PREPL: variants seen among roughly 807,000 people sequenced by gnomAD.
PREPL encodes prolyl endopeptidase like.
PREPL carries 77 observed loss-of-function variants against 70.6 expected under a neutral mutation model. The observed-to-expected ratio is 1.09, with a 90% CI of 0.91 to 1.32. PREPL has a LOEUF of 1.32. PREPL is among the 40% of genes most tolerant of loss of function. The pLI, the probability that PREPL is intolerant of heterozygous loss-of-function variation, is 0.00. For missense variants in PREPL, 1,002 were observed against 778.2 expected (o/e 1.29, Z -3.42); for synonymous variants, 315 against 264.8 (o/e 1.19, Z -1.84).
At position 44,320,368 on chromosome 2, in the gene PREPL, T is replaced by C. The variant is rs984728184; in HGVS notation, c.*988A>G. 1.9e-6 allele frequency: 3 copies of C among 1,613,962 alleles called. No homozygotes were observed. Among genetic ancestry groups the C allele is most frequent in the Non-Finnish European group, 2.5e-6 (3 of 1,179,976 alleles). On this transcript the variant is annotated 3_prime_UTR_variant, in exon 14 of 14. Coordinates refer to ENST00000409411, the MANE Select transcript of PREPL (RefSeq NM_001171613.2). Reference sequence around the variant, plus strand: ...GGCATCGACAGAATCTTTATCGTGGTTCTGAATTTTGGAGAATCAACACTG... The same window carrying C: ...GGCATCGACAGAATCTTTATCGTGGCTCTGAATTTTGGAGAATCAACACTG...
intron 4 of PREPL, among the ~76,000 whole-genome samples, 183 bp downstream of exon 4, chr2:44,343,562 T>C (rs1675452909): frequency 6.6e-6 from 1 of 152,108 alleles, no homozygotes; most frequent in Admixed American, 6.5e-5. Context: ...AAATTACCCA[T>C]CTAGATATAT....
intron 10 of PREPL, 139 bp from the exon 11 acceptor site, chr2:44,323,550 A>G (rs560471308): frequency 5.7e-5 from 35 of 610,682 alleles, no homozygotes; most frequent in Non-Finnish European, 8.8e-5. Context: ...GAGCTAGAAT[A>G]CTCAGTCCTT....
Position 44,320,273 on chromosome 2 carries a change from C to T in PREPL, c.*1083G>A, listed in dbSNP as rs140014348. On this transcript the variant is annotated 3_prime_UTR_variant, in exon 14 of 14. Coordinates refer to ENST00000409411, the MANE Select transcript of PREPL (RefSeq NM_001171613.2). The stretch of plus-strand genomic sequence containing the variant: ...GTCTACTTCATGCCAATGAGCTACT[C>T]CTCAACAGGGGCTGGTTTTGCCATT... 1.7e-5 allele frequency: 28 copies of T among 1,613,926 alleles called. No homozygotes were observed. The African/African-American group carries it at 3.2e-4, about 18-fold the overall frequency.
At position 44,329,198 on chromosome 2, in the gene PREPL, T is replaced by A. The variant is rs778155805; in HGVS notation, c.1087-86A>T. On this transcript the variant is annotated intron_variant, in intron 8 of 13. Coordinates refer to ENST00000409411, the MANE Select transcript of PREPL (RefSeq NM_001171613.2). ...CAATTTAAAATACATTGAGGTGCAC[T>A]GTCCCCACTTGTGTGCTACCTACTG... 2.8e-6 allele frequency: 3 copies of A among 1,085,498 alleles called. No individual in the cohort carries two copies. The African/African-American group carries it at 4.8e-5, about 17-fold the overall frequency. 67.2% of individuals were successfully genotyped at this position (1,085,498 alleles called of 1,614,324 possible).
In PREPL at chr2:44,343,864, T is replaced by C; in HGVS notation, c.230A>G (p.Asp77Gly). The change falls in exon 4 of 14, where the codon GAT becomes GGT. Residue 77 changes from aspartate (D) to glycine (G), a missense_variant. Physicochemically the swap from Asp to Gly is moderately conservative, Grantham distance 94. Transcript: ENST00000409411. ...TATCTTGGCAGCCACATATTTTTCA[T>C]CTGGAGCAACTCTGATACAATCAAT... ...PFIDCIRVAP[D>G]EKYVAAKIRT... The C allele has an allele frequency of 1.2e-6, 2 of 1,614,058 alleles. No individual in the cohort carries two copies. The highest frequency in any genetic ancestry group is 1.7e-6 in the Non-Finnish European group (2 of 1,179,950).
At position 44,318,073 on chromosome 2, in the gene PREPL, A is replaced by G. The variant is rs1339142538; in HGVS notation, c.*3283T>C. ...GAAATATTTGCACATGTGCACAATA[A>G]TACTTAAAGGATCTCAACACTGTTT... On this transcript the variant is annotated 3_prime_UTR_variant, in exon 14 of 14. Coordinates refer to ENST00000409411, the MANE Select transcript of PREPL (RefSeq NM_001171613.2). 1 of 442,504 alleles carries G rather than the reference A, an allele frequency of 2.3e-6. No homozygotes were observed. Among genetic ancestry groups the G allele is most frequent in the Non-Finnish European group, 4.5e-6 (1 of 222,094 alleles). The allele number at this position is 442,504 out of a possible 1,614,324, so 27.4% of individuals were successfully genotyped here. A position where few individuals can be genotyped will look rare whatever the true frequency, so the allele number is the denominator to read the frequency against.
In PREPL at chr2:44,322,737, C is replaced by G. The variant is rs758234210; in HGVS notation, c.1747G>C (p.Gly583Arg). 72 of 1,613,410 alleles carry G rather than the reference C, an allele frequency of 4.5e-5. 1 individual carries two copies. The African/African-American group carries it at 6.1e-4, about 14-fold the overall frequency. Residue 583 changes from glycine (G) to arginine (R), a missense_variant, in exon 12 of 14, where the codon GGT becomes CGT. Gly to Arg is a moderately radical substitution (Grantham distance 125). Coordinates refer to ENST00000409411, the MANE Select transcript of PREPL (RefSeq NM_001171613.2). The part of the protein sequence containing the change: ...EAIAEHAKDT[G>R]EGYQTPNIIL... ...CTTCTAGGGGGTCTCCTACCTTCAC[C>G]TGTGTCCTTAGCATGCTCCGCGATG...
intron 1 of PREPL, 137 bp from the exon 2 acceptor site, chr2:44,346,527 A>G: frequency 1.3e-6 from 1 of 753,342 alleles, no homozygotes; most frequent in Non-Finnish European, 2.1e-6. Flanking sequence ...GGTATTTCAC[A>G]GATTGTAAAT....
At chr2:44,361,662 T>C (rs1677833765), upstream of PREPL, 3 of 253,618 alleles carry the variant, frequency 1.2e-5, no homozygotes, top group Non-Finnish European at 2.2e-5. Context: ...TCGAAATATA[T>C]AAGACTTTTC....
intron 1 of PREPL, chr2:44,359,603 T>C: frequency 1.2e-6 from 2 of 1,611,326 alleles, no homozygotes; most frequent in Non-Finnish European, 1.7e-6. Flanking sequence ...TATTCTATTG[T>C]AACAATGATC....
Position 44,320,735 on chromosome 2 carries a change from T to C in PREPL, c.*621A>G, listed in dbSNP as rs752209571. ...CAGCATGCTGCTTGGTGAACAATCA[T>C]TAATTCTTCGATATTTCTGTAGCTT... On this transcript the variant is annotated 3_prime_UTR_variant, in exon 14 of 14. Transcript: ENST00000409411. The C allele has an allele frequency of 3.9e-5, 37 of 957,874 alleles. No individual in the cohort carries two copies. Among genetic ancestry groups the C allele is most frequent in the African/African-American group, 8.1e-5 (5 of 62,078 alleles). The allele number at this position is 957,874 out of a possible 1,614,324, so 59.3% of individuals were successfully genotyped here. A position where few individuals can be genotyped will look rare whatever the true frequency, so the allele number is the denominator to read the frequency against.
At position 44,321,824 on chromosome 2, in the gene PREPL, T is replaced by C. The variant is rs1228947728; in HGVS notation, c.1827+3A>G. 2 of 1,613,834 alleles carry C rather than the reference T, an allele frequency of 1.2e-6. No individual in the cohort carries two copies. Among genetic ancestry groups the C allele is most frequent in the Non-Finnish European group, 1.7e-6 (2 of 1,179,764 alleles). On this transcript the variant is annotated splice_donor_region_variant and intron_variant, in intron 13 of 13. Coordinates refer to ENST00000409411, the MANE Select transcript of PREPL (RefSeq NM_001171613.2). ...GTCCACTGAGAGGGCCTTGATAACA[T>C]ACCTTTTTGTGAGAATCCTCAATTA... is the stretch of plus-strand genomic sequence containing the variant.
chr2:44,346,238 AT>A (rs756526699), intron 2 of PREPL, 29 bp downstream of exon 2: 78 of 1,563,650 alleles, frequency 5.0e-5, no homozygotes, highest in Admixed American at 2.0e-4. Context: ...AATATCAAAA[AT>A]TTTTTTTTAA....
chr2:44,354,330 G>C (rs185491315), intron 1 of PREPL, among the ~76,000 whole-genome samples: 1 of 152,136 alleles, frequency 6.6e-6, no homozygotes, highest in Non-Finnish European at 1.5e-5. Flanking sequence ...TGTGGCAGTC[G>C]TTATGCTATG....
intron 1 of PREPL, among the ~76,000 whole-genome samples, chr2:44,350,791 T>G (rs955955380): frequency 5.3e-5 from 8 of 152,172 alleles, no homozygotes; most frequent in African/African-American, 1.9e-4. Flanking sequence ...AAAGTTAATG[T>G]TCAGTATTCA....
intron 1 of PREPL, among the ~76,000 whole-genome samples, chr2:44,357,665 A>C (rs938736405): frequency 6.6e-6 from 1 of 152,228 alleles, no homozygotes; most frequent in Non-Finnish European, 1.5e-5. Flanking sequence ...TTCTGTTTAG[A>C]ATGTGAGCTA....
Position 44,319,570 on chromosome 2 carries a change from T to C in PREPL, c.*1786A>G, listed in dbSNP as rs1672747470. On this transcript the variant is annotated 3_prime_UTR_variant, in exon 14 of 14. Transcript: ENST00000409411. ...AGAAGTACATCATCAAATTATGTTTTATATAGCTGTAAAATAAACCCAAAT... is the reference window on the plus strand; with the variant it reads ...AGAAGTACATCATCAAATTATGTTTCATATAGCTGTAAAATAAACCCAAAT... 6.6e-6 allele frequency: 1 copy of C among 152,550 alleles called. No individual in the cohort carries two copies. The highest frequency in any genetic ancestry group is 6.5e-5 in the Admixed American group (1 of 15,310). 9.4% of individuals were successfully genotyped at this position (152,550 alleles called of 1,614,324 possible).
chr2:44,343,589 G>T (rs1572894898), intron 4 of PREPL, among the ~76,000 whole-genome samples, 156 bp downstream of exon 4: 1 of 152,110 alleles, frequency 6.6e-6, no homozygotes, highest in South Asian at 2.1e-4. Context: ...ATAAGGGAAG[G>T]TCTCCTGAAT....
intron 1 of PREPL, among the ~76,000 whole-genome samples, chr2:44,349,284 G>T (rs1162471548): frequency 6.6e-6 from 1 of 152,120 alleles, no homozygotes; most frequent in East Asian, 1.9e-4. Context: ...CTAGAGCAGG[G>T]AGAAAATACA....
Sources: allele counts gnomAD v4.1 joint callset (sites outside exome capture counted in the v4.1 genomes callset), GRCh38; gene constraint gnomAD v4.1.1; transcripts MANE v1.5; gene names NCBI Gene and HGNC (gene_info 2026-07-23, HGNC 2026-07-21).